Variants in ZNF536 observed in about 807,000 individuals in gnomAD.
The protein encoded by ZNF536 is zinc finger protein 536.
In ZNF536, 13 loss-of-function variants were observed where a neutral mutation model predicts 84.5. The observed-to-expected ratio is 0.15, with a 90% CI of 0.10 to 0.24. The LOEUF (loss-of-function observed/expected upper bound fraction) is 0.24. ZNF536 is among the 10% of genes least tolerant of loss of function. The pLI, the probability that ZNF536 is intolerant of heterozygous loss-of-function variation, is 1.00. For synonymous variants in ZNF536, 811 were observed against 742.5 expected, an observed-to-expected ratio of 1.09 and a Z score of -1.50; for missense variants, 1,536 against 1,747.5, an observed-to-expected ratio of 0.88 and a Z score of 2.16.
chr19:30,377,284 T>C (rs748463125), intron 1 of ZNF536, among the ~76,000 whole-genome samples: 1 of 152,012 alleles, frequency 6.6e-6, no homozygotes, highest in Non-Finnish European at 1.5e-5. Flanking sequence ...TGGGCCGCGC[T>C]CACAGAACTC....
intron 2 of ZNF536, among the ~76,000 whole-genome samples, chr19:30,488,750 G>A (rs2054392406): frequency 6.6e-6 from 1 of 152,154 alleles, no homozygotes; most frequent in South Asian, 2.1e-4. Context: ...CAAATGCACA[G>A]CCTCCCTCCC....
intron 1 of ZNF536, among the ~76,000 whole-genome samples, chr19:30,564,147 A>C (rs1021191565): frequency 6.6e-6 from 1 of 152,160 alleles, no homozygotes; most frequent in Non-Finnish European, 1.5e-5. Context: ...AGGAGGATTA[A>C]AGAGAACCTG....
At chr19:30,664,117 T>C (rs893489693) in intron 1 of ZNF536, among the ~76,000 whole-genome samples, 1 of 151,692 alleles carries the variant, frequency 6.6e-6, no homozygotes, top group East Asian at 1.9e-4. Flanking sequence ...ATTCACAGAT[T>C]GAAAAAATAA....
chr19:30,482,081 T>A (rs147245802), intron 2 of ZNF536, among the ~76,000 whole-genome samples: 1 of 152,206 alleles, frequency 6.6e-6, no homozygotes, highest in Non-Finnish European at 1.5e-5. Context: ...GTACTTAGGT[T>A]GATTCCATAT....
intron 1 of ZNF536, among the ~76,000 whole-genome samples, chr19:30,283,433 G>A (rs2045521761): frequency 6.6e-6 from 1 of 152,180 alleles, no homozygotes; most frequent in Admixed American, 6.5e-5. Flanking sequence ...TCACCCATGT[G>A]GGACTTACAT....
intron 1 of ZNF536, among the ~76,000 whole-genome samples, chr19:30,593,961 C>T (rs1171832749): frequency 1.3e-5 from 2 of 152,184 alleles, no homozygotes; most frequent in Non-Finnish European, 2.9e-5. Context: ...CATTGATTGT[C>T]CTTGGAGACA....
chr19:30,320,269 C>T (rs928472239), intron 2 of ZNF536, among the ~76,000 whole-genome samples: 2 of 152,032 alleles, frequency 1.3e-5, no homozygotes, highest in African/African-American at 4.8e-5. Flanking sequence ...TTTCTTAAAT[C>T]CTGATAAATC....
intron 1 of ZNF536, among the ~76,000 whole-genome samples, chr19:30,652,945 A>G (rs1260888597): frequency 6.6e-6 from 1 of 152,160 alleles, no homozygotes. Flanking sequence ...AAGGCGGGGA[A>G]CCCAGTGACA....
At chr19:30,634,519 C>A (rs2048996670) in intron 1 of ZNF536, among the ~76,000 whole-genome samples, 1 of 152,102 alleles carries the variant, frequency 6.6e-6, no homozygotes, top group Non-Finnish European at 1.5e-5. Context: ...TTCCTGGGTA[C>A]CAGCCAGGGT....
chr19:30,228,124 T>C (rs1234673054), upstream of ZNF536, among the ~76,000 whole-genome samples: 3 of 151,548 alleles, frequency 2.0e-5, no homozygotes, highest in Admixed American at 1.3e-4. The surrounding 1 kb of genome is among the most constrained non-coding windows in gnomAD (Gnocchi z 4.5). Flanking sequence ...CCCAGTTTGA[T>C]ACTAGCAACT....
At chr19:30,704,924 C>CT (rs60002455) in intron 1 of ZNF536, among the ~76,000 whole-genome samples, 43,825 of 141,850 alleles carry the variant, frequency 0.31, 6,898 homozygotes, top group East Asian at 0.42. Context: ...GAGCTCAGCA[C>CT]TTTTTTTTTT....
chr19:30,564,004 G>A (rs1316673629), intron 1 of ZNF536, among the ~76,000 whole-genome samples: 1 of 152,164 alleles, frequency 6.6e-6, no homozygotes, highest in African/African-American at 2.4e-5. Flanking sequence ...GGGGACCAAG[G>A]GAGAGGGAGA....
At chr19:30,278,483 G>C (rs2045321101) in intron 1 of ZNF536, among the ~76,000 whole-genome samples, 1 of 152,122 alleles carries the variant, frequency 6.6e-6, no homozygotes, top group South Asian at 2.1e-4. Context: ...GGAGCTCCCG[G>C]GGAGTCATTT....
upstream of ZNF536, among the ~76,000 whole-genome samples, chr19:30,226,091 C>G (rs956234017): frequency 6.6e-6 from 1 of 151,828 alleles, no homozygotes; most frequent in African/African-American, 2.4e-5. This position sits in a 1 kb window ranked among gnomAD's most constrained non-coding sequence, Gnocchi z 4.6. Context: ...GAAAAGGAGT[C>G]CCGAGGCCTG....
At chr19:30,228,445 C>T (rs2022747208), upstream of ZNF536, 1 of 152,208 alleles carries the variant, frequency 6.6e-6, no homozygotes, top group African/African-American at 2.4e-5. The surrounding 1 kb of genome is among the most constrained non-coding windows in gnomAD (Gnocchi z 4.5). Flanking sequence ...TCGAGATGCT[C>T]CGGCGGCGGG....
At chr19:30,627,946 T>C (rs1003065817) in intron 1 of ZNF536, among the ~76,000 whole-genome samples, 2 of 151,542 alleles carry the variant, frequency 1.3e-5, no homozygotes, top group Non-Finnish European at 2.9e-5. Flanking sequence ...CATGACTGCT[T>C]CTTCTCTGAG....
At chr19:30,454,108 C>A (rs147458625) in intron 2 of ZNF536, among the ~76,000 whole-genome samples, 143 of 152,374 alleles carry the variant, frequency 9.4e-4, no homozygotes, top group African/African-American at 3.4e-3. Context: ...GCTTTTCTTG[C>A]AAGCAGTGTC....
chr19:30,661,798 C>A (rs2050131122), intron 1 of ZNF536, among the ~76,000 whole-genome samples: 1 of 152,026 alleles, frequency 6.6e-6, no homozygotes, highest in African/African-American at 2.4e-5. Flanking sequence ...ATTGACCTTA[C>A]CTATAACATT....
chr19:30,451,941 G>A (rs1029636225), intron 2 of ZNF536, among the ~76,000 whole-genome samples: 2 of 152,208 alleles, frequency 1.3e-5, no homozygotes, highest in South Asian at 2.1e-4. Context: ...GGAATTAAGC[G>A]GTCAATTTTC....
Sources: allele counts gnomAD v4.1 joint callset (sites outside exome capture counted in the v4.1 genomes callset), GRCh38; gene constraint gnomAD v4.1.1; non-coding constraint Gnocchi (gnomAD v3.1); transcripts MANE v1.5; gene names NCBI Gene and HGNC (gene_info 2026-07-23, HGNC 2026-07-21).